The following SPECC1L variants were observed in gnomAD, a reference collection of about 807,000 sequenced individuals.
SPECC1L encodes cytospin-A.
In SPECC1L, 40 loss-of-function variants were observed where a neutral mutation model predicts 116.8. The ratio of observed to expected loss-of-function variants is 0.34; its 90% CI spans 0.27 to 0.45. The LOEUF is 0.45. Among genes scored for constraint, SPECC1L ranks in the 20% least tolerant of loss-of-function variants. The pLI is 1.00. For missense variants in SPECC1L, 1,110 were observed against 1,373.6 expected, an observed-to-expected ratio of 0.81 and a Z score of 3.03; for synonymous variants, 504 against 500.6, an observed-to-expected ratio of 1.01 and a Z score of -0.09.
rs1463555349 is a variant in SPECC1L, at chr22:24,412,691, G to A, written c.3248G>A (p.Gly1083Asp). The change falls in exon 16 of 17, where the codon GGC (glycine) becomes GAC (aspartate). Residue 1083 changes from glycine (G) to aspartate (D), a missense_variant. Physicochemically the swap from Gly to Asp is moderately conservative, Grantham distance 94 (BLOSUM62 -1). Around this residue, in one of 4 missense-constraint regions of SPECC1L, gnomAD observed 76 missense variants for 148.5 expected, o/e 0.51. Transcript: ENST00000314328. ...GCTTTCCAGGCAGCTGAAAGTGTCG[G>A]CATCAAATCCACACTGGTGAGCCCT... The part of the protein sequence containing the change: ...MLAFQAAESV[G>D]IKSTLDINEM... The A allele has an allele frequency of 1.2e-6, 2 of 1,614,150 alleles. No individual in the cohort carries two copies. The highest frequency in any genetic ancestry group is 1.7e-6 in the Non-Finnish European group (2 of 1,180,040).
At chr22:24,404,700 C>T (rs543442871) in intron 14 of SPECC1L, among the ~76,000 whole-genome samples, 106 of 152,322 alleles carry the variant, frequency 7.0e-4, no homozygotes, top group Admixed American at 1.4e-3. Flanking sequence ...GACCCCAGTC[C>T]AGCCACTCTT....
chr22:24,305,942 A>G (rs1407495750), intron 3 of SPECC1L, among the ~76,000 whole-genome samples: 2 of 148,686 alleles, frequency 1.3e-5, no homozygotes, highest in Non-Finnish European at 3.0e-5. Context: ...TTTTTTTGAG[A>G]TGGAGTTTCA....
chr22:24,287,899 G>A (rs1380218977), intron 2 of SPECC1L, among the ~76,000 whole-genome samples: 1 of 152,090 alleles, frequency 6.6e-6, no homozygotes, highest in Non-Finnish European at 1.5e-5. Context: ...TCCATTTGGG[G>A]TTGTCAGTCT....
chr22:24,330,114 C>A, intron 7 of SPECC1L, 142 bp from the exon 8 acceptor site: 1 of 798,050 alleles, frequency 1.3e-6, no homozygotes, highest in South Asian at 1.7e-5. Context: ...TAGATACTAG[C>A]AATTCTCTGG....
intron 9 of SPECC1L, among the ~76,000 whole-genome samples, chr22:24,336,302 T>C (rs1303467414): frequency 6.6e-6 from 1 of 151,968 alleles, no homozygotes; most frequent in Non-Finnish European, 1.5e-5. Context: ...TGTGTGTACA[T>C]ATATAGTGTG....
At chr22:24,286,173 G>A (rs560110302) in intron 2 of SPECC1L, among the ~76,000 whole-genome samples, 2 of 152,180 alleles carry the variant, frequency 1.3e-5, no homozygotes, top group Non-Finnish European at 2.9e-5. Context: ...CTGATAAAGT[G>A]GGGGTAAGCT....
intron 2 of SPECC1L, among the ~76,000 whole-genome samples, chr22:24,284,439 T>C (rs1439193217): frequency 2.0e-5 from 3 of 152,160 alleles, no homozygotes; most frequent in Admixed American, 1.3e-4. Flanking sequence ...TTTTATTTTA[T>C]TTTATTTTAT....
chr22:24,331,172 A>G (rs999362400), intron 8 of SPECC1L, among the ~76,000 whole-genome samples: 1 of 152,208 alleles, frequency 6.6e-6, no homozygotes, highest in African/African-American at 2.4e-5. Context: ...TCCATCTAAG[A>G]GTAGGGGATA....
intron 3 of SPECC1L, 151 bp downstream of exon 3, chr22:24,302,535 C>T: frequency 1.0e-6 from 1 of 983,860 alleles, no homozygotes; most frequent in Admixed American, 1.9e-5. Flanking sequence ...GTGGGGTGGA[C>T]CTAATTGCTG....
At chr22:24,363,741 A>T (rs1414911806) in intron 12 of SPECC1L, among the ~76,000 whole-genome samples, 1 of 152,210 alleles carries the variant, frequency 6.6e-6, no homozygotes, top group East Asian at 1.9e-4. Flanking sequence ...AACGAAAAAG[A>T]CATAATTATA....
intron 14 of SPECC1L, among the ~76,000 whole-genome samples, chr22:24,380,413 G>A (rs1009001448): frequency 2.0e-5 from 3 of 152,264 alleles, no homozygotes; most frequent in East Asian, 1.9e-4. Flanking sequence ...GTGACACTTA[G>A]CACATACTGC....
At chr22:24,367,325 C>T (rs1038854999) in intron 13 of SPECC1L, among the ~76,000 whole-genome samples, 3 of 152,284 alleles carry the variant, frequency 2.0e-5, no homozygotes, top group African/African-American at 7.2e-5. Context: ...TAACAAACTT[C>T]TTGGAATCCT....
chr22:24,282,572 C>T (rs2048964061), intron 2 of SPECC1L, among the ~76,000 whole-genome samples: 1 of 152,112 alleles, frequency 6.6e-6, no homozygotes, highest in African/African-American at 2.4e-5. Flanking sequence ...AATATTCAGT[C>T]TTACGTCATT....
chr22:24,294,634 C>T (rs535320967), intron 2 of SPECC1L, among the ~76,000 whole-genome samples: 2 of 152,106 alleles, frequency 1.3e-5, no homozygotes, highest in South Asian at 4.2e-4. Flanking sequence ...CCACCTGCCT[C>T]GGCCTCCCAA....
At chr22:24,286,219 T>A (rs1325673363) in intron 2 of SPECC1L, among the ~76,000 whole-genome samples, 1 of 152,256 alleles carries the variant, frequency 6.6e-6, no homozygotes, top group African/African-American at 2.4e-5. Flanking sequence ...TTCTTGACAC[T>A]TGCTGTTAGT....
At chr22:24,373,858 A>G (rs560642051) in intron 14 of SPECC1L, among the ~76,000 whole-genome samples, 94 of 152,252 alleles carry the variant, frequency 6.2e-4, no homozygotes, top group African/African-American at 2.2e-3. Flanking sequence ...ATGGGAGAAA[A>G]TTTTCGCAAT....
chr22:24,271,454 G>C (rs1461111516), intron 1 of SPECC1L, among the ~76,000 whole-genome samples: 1 of 152,272 alleles, frequency 6.6e-6, no homozygotes, highest in East Asian at 1.9e-4. Context: ...GCGGACCCCG[G>C]GCCTGCTGCC....
chr22:24,406,652 T>C lies in SPECC1L; in HGVS notation c.3088-4936T>C, dbSNP rs557569343. Reference sequence around the variant, plus strand: ...ACACCTGCAGAGCAAAGGTCTTGACTGAGTGAGGAAGGGAGAAGCCATTTC... The same window carrying C: ...ACACCTGCAGAGCAAAGGTCTTGACCGAGTGAGGAAGGGAGAAGCCATTTC... On this transcript the variant is annotated intron_variant, in intron 14 of 16. Coordinates refer to ENST00000314328, the MANE Select transcript of SPECC1L (RefSeq NM_015330.6). Among the ~76,000 whole-genome samples the C allele has an allele frequency of 2.2e-3, 332 of 152,294 alleles. 2 individuals are homozygous for C. The highest frequency in any genetic ancestry group is 3.9e-3 in the Non-Finnish European group (262 of 68,022).
chr22:24,390,879 T>TTC (rs2042257079), intron 14 of SPECC1L, among the ~76,000 whole-genome samples: 6 of 116,932 alleles, frequency 5.1e-5, no homozygotes, highest in Non-Finnish European at 9.0e-5. Context: ...TTTCTTTTTT[T>TTC]TTTTTTTTTT....
Sources: allele counts gnomAD v4.1 joint callset (sites outside exome capture counted in the v4.1 genomes callset), GRCh38; gene constraint gnomAD v4.1.1; regional missense constraint gnomAD v4.1.1; transcripts MANE v1.5; gene names NCBI Gene and HGNC (gene_info 2026-07-23, HGNC 2026-07-21).